Variants in ANKMY1 observed in about 807,000 individuals in gnomAD.
ANKMY1 encodes the protein ankyrin repeat and MYND domain-containing protein 1.
In ANKMY1, 98 loss-of-function variants were observed where a neutral mutation model predicts 102.0. That is an observed-to-expected ratio of 0.96 (90% CI 0.82 to 1.14). The LOEUF is 1.14. ANKMY1 is among the 50% of genes most tolerant of loss of function. The probability of loss-of-function intolerance (pLI) is 0.00; values close to 1 mark genes in which losing one functional copy is unlikely to be tolerated. For missense variants in ANKMY1, 1,330 were observed against 1,347.6 expected, an observed-to-expected ratio of 0.99 and a Z score of 0.20; for synonymous variants, 582 against 559.9, an observed-to-expected ratio of 1.04 and a Z score of -0.56.
chr2:240,478,230 C>G (rs4456707), downstream of ANKMY1, among the ~76,000 whole-genome samples: 70 of 152,346 alleles, frequency 4.6e-4, no homozygotes, highest in Middle Eastern at 6.8e-3. Context: ...CCAATTAAAC[C>G]TCCTTTCTTT....
intron 11 of ANKMY1, among the ~76,000 whole-genome samples, chr2:240,510,821 G>A (rs1317394521): frequency 6.6e-6 from 1 of 152,080 alleles, no homozygotes; most frequent in Admixed American, 6.5e-5. Flanking sequence ...CACATTCAGT[G>A]TCTCCTTTTA....
At position 240,520,496 on chromosome 2, in the gene ANKMY1, G is replaced by A. The variant is rs753533005; in HGVS notation, c.1870C>T (p.Arg624Cys). The A allele has an allele frequency of 1.3e-5, 21 of 1,613,030 alleles. No homozygotes were observed. The Admixed American group carries it at 1.7e-4, about 13-fold the overall frequency. Residue 624 changes from arginine (R) to cysteine (C), a missense_variant, in exon 9 of 18, where the codon CGC (arginine) becomes TGC (cysteine). Physicochemically the swap from Arg to Cys is radical, Grantham distance 180. Transcript: ENST00000401804. The surrounding 1 kb of genome is among the most constrained non-coding windows in gnomAD (Gnocchi z 4.8). ...KRWRTIKLLL[R>C]RGADPNLCCV... ...CACAGGTTGGGGTCCGCGCCCCGGCGCAGCAGCAGCTTGATGGTCCGCCAG... is the reference window on the plus strand; with the variant it reads ...CACAGGTTGGGGTCCGCGCCCCGGCACAGCAGCAGCTTGATGGTCCGCCAG...
chr2:240,492,570 A>G (rs1196820332), intron 15 of ANKMY1, among the ~76,000 whole-genome samples: 1 of 151,986 alleles, frequency 6.6e-6, no homozygotes, highest in Non-Finnish European at 1.5e-5. Context: ...CTGTTTGGTT[A>G]TTTTTTAAAA....
Position 240,520,303 on chromosome 2 carries a change from C to T in ANKMY1, c.2004+59G>A, listed in dbSNP as rs769150111. ...CGCCTAGGTGGAGCGAGGAGCTTCC[C>T]GGCCAGTGCCCGGGAGTCTGCTGCG... On this transcript the variant is annotated intron_variant, in intron 9 of 17. Coordinates refer to ENST00000401804, the MANE Select transcript of ANKMY1 (RefSeq NM_001282771.3). The surrounding 1 kb of genome is among the most constrained non-coding windows in gnomAD (Gnocchi z 4.8). 6.7e-6 allele frequency: 10 copies of T among 1,488,890 alleles called. No homozygotes were observed. The highest frequency in any genetic ancestry group is 2.3e-5 in the Admixed American group (1 of 43,930). The allele number at this position is 1,488,890 out of a possible 1,614,324, so 92.2% of individuals were successfully genotyped here.
the ANKMY1 span, among the ~76,000 whole-genome samples, chr2:240,469,272 C>T: frequency 6.6e-6 from 1 of 152,194 alleles, no homozygotes; most frequent in Non-Finnish European, 1.5e-5. Context: ...AGAGCCGACA[C>T]CACGCCAGGA....
chr2:240,525,720 G>A lies in ANKMY1; in HGVS notation c.1300C>T (p.Pro434Ser), dbSNP rs780292417. The A allele has an allele frequency of 1.1e-5, 17 of 1,614,128 alleles. No homozygotes were observed. The highest frequency in any genetic ancestry group is 1.4e-5 in the Non-Finnish European group (16 of 1,180,024). Residue 434 changes from proline to serine, a missense_variant, in exon 7 of 18, where the codon CCC becomes TCC. Physicochemically the swap from Pro to Ser is moderately conservative, Grantham distance 74. Transcript: ENST00000401804. ...LLHYPAQSFK[P>S]NVAERTIPEP... ...GGTATGGTCCGTTCAGCAACATTGG[G>A]CTTGAAGGACTGGGCGGGGTAGTGG... is the stretch of plus-strand genomic sequence containing the variant.
chr2:240,492,702 T>A (rs1021069023), intron 15 of ANKMY1, among the ~76,000 whole-genome samples: 13 of 152,210 alleles, frequency 8.5e-5, no homozygotes, highest in East Asian at 1.9e-4. Context: ...AATTTTTTTT[T>A]AAATTTGAGA....
intron 17 of ANKMY1, 124 bp downstream of exon 17, chr2:240,480,813 G>A (rs2075290771): frequency 7.4e-7 from 1 of 1,360,462 alleles, no homozygotes; most frequent in African/African-American, 1.4e-5. Flanking sequence ...GGAAATGTTG[G>A]GAAAGTGGCC....
chr2:240,557,255 CT>C lies in ANKMY1; in HGVS notation c.80del (p.Lys27ArgfsTer14). On this transcript the variant is annotated frameshift_variant, in exon 2 of 18. Transcript: ENST00000401804. LOFTEE classifies it high-confidence loss of function. ...CCTCGGCAGCAGGGGTCTCGCCGCC[CT>C]TCCCCTCTAGCGGGCGTTGGCGGCT... is the stretch of plus-strand genomic sequence containing the variant. The part of the protein sequence containing the change: ...AGSRQRPLEG[K>X]GGETPAAEEP... 6.3e-7 allele frequency: 1 copy of C among 1,596,038 alleles called. No homozygotes were observed. The highest frequency in any genetic ancestry group is 1.7e-5 in the Admixed American group (1 of 58,046).
At chr2:240,518,736 C>G (rs181641881) in intron 9 of ANKMY1, among the ~76,000 whole-genome samples, 1 of 152,148 alleles carries the variant, frequency 6.6e-6, no homozygotes, top group Non-Finnish European at 1.5e-5. Context: ...GAAGGATGTC[C>G]GTGCCCAGTT....
At chr2:240,554,586 T>C (rs1438013912) in intron 3 of ANKMY1, 11 of 397,180 alleles carry the variant, frequency 2.8e-5, no homozygotes, top group Non-Finnish European at 4.1e-5. Context: ...CGAGTTGCTA[T>C]GGCAATTCAT....
intron 9 of ANKMY1, chr2:240,519,765 G>A (rs1283605372): frequency 5.0e-5 from 10 of 200,068 alleles, no homozygotes; most frequent in Admixed American, 2.2e-4. Flanking sequence ...TTTCTTCGAA[G>A]AACTAGCAGG....
chr2:240,520,332 GT>G lies in ANKMY1; in HGVS notation c.2004+29del. On this transcript the variant is annotated intron_variant, in intron 9 of 17. Coordinates refer to ENST00000401804, the MANE Select transcript of ANKMY1 (RefSeq NM_001282771.3). The surrounding 1 kb of genome is among the most constrained non-coding windows in gnomAD (Gnocchi z 4.8). ...CAGTGCCCGGGAGTCTGCTGCGCTC[GT>G]CCCGGCGCCCGCCCGCCGCGGCTCC... 1 of 1,512,010 alleles carries G rather than the reference GT, an allele frequency of 6.6e-7. No individual in the cohort carries two copies. The highest frequency in any genetic ancestry group is 8.9e-7 in the Non-Finnish European group (1 of 1,124,770). 93.7% of individuals were successfully genotyped at this position (1,512,010 alleles called of 1,614,324 possible). A position where few individuals can be genotyped will look rare whatever the true frequency, so the allele number is the denominator to read the frequency against.
At chr2:240,560,569 T>C, upstream of ANKMY1, 4 of 1,310,516 alleles carry the variant, frequency 3.1e-6, no homozygotes, top group Non-Finnish European at 3.9e-6. Context: ...CGGAGGCCTC[T>C]AGGACCCGGG....
chr2:240,531,957 T>C (rs531800055), intron 4 of ANKMY1: 1 of 226,950 alleles, frequency 4.4e-6, no homozygotes, highest in South Asian at 5.0e-5. Context: ...AAGAATAGCA[T>C]GTTCAATATA....
At chr2:240,498,257 G>A (rs1326927745) in intron 15 of ANKMY1, among the ~76,000 whole-genome samples, 3 of 147,518 alleles carry the variant, frequency 2.0e-5, no homozygotes, top group Non-Finnish European at 4.5e-5. Context: ...GGGTGAGTTG[G>A]TGAGGGCTGG....
chr2:240,515,884 AT>A (rs60607842), intron 9 of ANKMY1, among the ~76,000 whole-genome samples: 386 of 145,432 alleles, frequency 2.7e-3, no homozygotes, highest in African/African-American at 5.1e-3. Context: ...TGCCCGGCTA[AT>A]TTTTTTTTTT....
intron 11 of ANKMY1, 55 bp from the exon 12 acceptor site, chr2:240,509,510 T>TG: frequency 8.2e-7 from 1 of 1,218,450 alleles, no homozygotes; most frequent in Non-Finnish European, 1.2e-6. Context: ...AAGCAGCACC[T>TG]GATGGTAGTC....
intron 15 of ANKMY1, among the ~76,000 whole-genome samples, chr2:240,484,501 T>C (rs2075816539): frequency 1.3e-5 from 2 of 152,200 alleles, no homozygotes; most frequent in Admixed American, 6.5e-5. Flanking sequence ...GCTAGCCATA[T>C]GCAGAAAACT....
Sources: gnomAD v4.1 joint callset for allele counts (sites outside exome capture counted in the v4.1 genomes callset) on GRCh38, gnomAD v4.1.1 for gene constraint, Gnocchi (gnomAD v3.1) non-coding constraint, MANE v1.5 for transcripts, NCBI Gene and HGNC (gene_info 2026-07-23, HGNC 2026-07-21) for gene names.